The following OCA2 variants were observed in gnomAD, a reference collection of about 807,000 sequenced individuals.
OCA2 encodes the protein OCA2 melanosomal transmembrane protein, also known as P protein.
In OCA2, 77 loss-of-function variants were observed where a neutral mutation model predicts 100.2. The observed-to-expected ratio is 0.77, with a 90% CI of 0.64 to 0.93. OCA2 has a LOEUF of 0.93. Among genes scored for constraint, OCA2 ranks in the 40% least tolerant of loss-of-function variants. The pLI, the probability that OCA2 is intolerant of heterozygous loss-of-function variation, is 0.00. For missense variants in OCA2, 1,062 were observed against 1,089.1 expected (o/e 0.98, Z 0.35); for synonymous variants, 432 against 439.2 (o/e 0.98, Z 0.21).
chr15:27,848,725 C>T (rs1359144350), intron 22 of OCA2, among the ~76,000 whole-genome samples: 1 of 152,276 alleles, frequency 6.6e-6, no homozygotes, highest in South Asian at 2.1e-4. Context: ...CAATAGGCCA[C>T]ACTCTCAGAA....
chr15:27,815,733 C>A (rs753222954), intron 23 of OCA2, among the ~76,000 whole-genome samples: 1 of 152,152 alleles, frequency 6.6e-6, no homozygotes, highest in African/African-American at 2.4e-5. Flanking sequence ...AATGCTGACA[C>A]GCACTGCCTT....
chr15:27,807,376 C>T (rs964237058), intron 23 of OCA2, among the ~76,000 whole-genome samples: 3 of 152,200 alleles, frequency 2.0e-5, no homozygotes, highest in African/African-American at 7.2e-5. Context: ...TGCTGTGGTG[C>T]TGTGACCAGT....
At chr15:28,025,591 T>TTGCC (rs1884760299) in intron 4 of OCA2, among the ~76,000 whole-genome samples, 1 of 152,216 alleles carries the variant, frequency 6.6e-6, no homozygotes, top group African/African-American at 2.4e-5. Context: ...CACAGGGCCT[T>TTGCC]TGCCTGCCGG....
chr15:27,909,495 C>T (rs1403409361), intron 19 of OCA2, among the ~76,000 whole-genome samples: 1 of 152,056 alleles, frequency 6.6e-6, no homozygotes, highest in Non-Finnish European at 1.5e-5. Flanking sequence ...CTAGCCCTAC[C>T]AGACATTAAA....
At chr15:27,869,822 G>A (rs2036471781) in intron 21 of OCA2, among the ~76,000 whole-genome samples, 5 of 152,346 alleles carry the variant, frequency 3.3e-5, no homozygotes, top group Admixed American at 3.3e-4. Flanking sequence ...CTGAGGATTG[G>A]GTAAGGGCAG....
chr15:27,863,501 G>T (rs1251235334), intron 21 of OCA2, among the ~76,000 whole-genome samples: 1 of 152,200 alleles, frequency 6.6e-6, no homozygotes, highest in African/African-American at 2.4e-5. Context: ...TGCAGGCTCT[G>T]ACTCAAGGGT....
At chr15:27,735,651 T>C in the OCA2 span, among the ~76,000 whole-genome samples, 2 of 152,044 alleles carry the variant, frequency 1.3e-5, no homozygotes, top group Non-Finnish European at 2.9e-5. Flanking sequence ...AGTTACAATA[T>C]GGCTAGCAGC....
chr15:27,859,266 CAA>C (rs1437491895), intron 21 of OCA2, among the ~76,000 whole-genome samples: 3 of 151,866 alleles, frequency 2.0e-5, no homozygotes, highest in African/African-American at 7.3e-5. Context: ...ACGATATTGT[CAA>C]AGTTTTATCT....
intron 21 of OCA2, among the ~76,000 whole-genome samples, chr15:27,864,722 T>A (rs1164145721): frequency 2.0e-5 from 3 of 152,198 alleles, no homozygotes; most frequent in Admixed American, 1.3e-4. Flanking sequence ...GAATTCAACA[T>A]TCAGGACAAG....
intron 19 of OCA2, among the ~76,000 whole-genome samples, chr15:27,899,545 A>T (rs1159759464): frequency 7.2e-5 from 11 of 152,356 alleles, no homozygotes; most frequent in Non-Finnish European, 4.4e-5. Flanking sequence ...AGCTTCAACC[A>T]GCCCCATCAT....
intron 23 of OCA2, among the ~76,000 whole-genome samples, chr15:27,797,001 C>T (rs528446354): frequency 7.9e-5 from 12 of 152,268 alleles, no homozygotes; most frequent in Admixed American, 6.5e-4. Flanking sequence ...ACCCACTTCA[C>T]ACGCAGGTAC....
At chr15:27,725,582 CAA>C in the OCA2 span, among the ~76,000 whole-genome samples, 1 of 152,050 alleles carries the variant, frequency 6.6e-6, no homozygotes, top group Non-Finnish European at 1.5e-5. Context: ...CAAAAACAAA[CAA>C]AACAAACAAA....
chr15:27,936,258 G>T (rs1351774480), intron 18 of OCA2, among the ~76,000 whole-genome samples: 2 of 146,822 alleles, frequency 1.4e-5, no homozygotes, highest in African/African-American at 4.9e-5. Flanking sequence ...CCACAGTTGG[G>T]TGGGTGAGTA....
At chr15:27,929,917 G>A (rs2039185731) in intron 18 of OCA2, among the ~76,000 whole-genome samples, 1 of 151,726 alleles carries the variant, frequency 6.6e-6, no homozygotes, top group African/African-American at 2.4e-5. Flanking sequence ...TTAGGGAAAC[G>A]TGGAGTAAAA....
At chr15:28,010,122 C>CA (rs1216258575) in intron 9 of OCA2, among the ~76,000 whole-genome samples, 2 of 151,334 alleles carry the variant, frequency 1.3e-5, no homozygotes, top group East Asian at 2.0e-4. Flanking sequence ...TCAGTTGACA[C>CA]AAAAAAGATG....
chr15:27,900,696 A>C (rs139156261), intron 19 of OCA2, among the ~76,000 whole-genome samples: 1 of 152,322 alleles, frequency 6.6e-6, no homozygotes, highest in African/African-American at 2.4e-5. Context: ...CTACTGTCCA[A>C]GATAACTGCT....
Position 27,983,377 on chromosome 15 carries a change from T to C in OCA2, c.1471A>G (p.Ile491Val). The part of the protein sequence containing the change: ...ATAIGDPPNV[I>V]IVSNQELRKM... Reference sequence around the variant, plus strand: ...CTCAGCTCTTGGTTGGAAACAATAATGACATTTGGAGGGTCCCCGATGGCA... The same window carrying C: ...CTCAGCTCTTGGTTGGAAACAATAACGACATTTGGAGGGTCCCCGATGGCA... Residue 491 changes from isoleucine to valine, a missense_variant, in exon 14 of 24, where the codon ATT becomes GTT. Physicochemically the swap from Ile to Val is conservative, Grantham distance 29. Coordinates refer to ENST00000354638, the MANE Select transcript of OCA2 (RefSeq NM_000275.3). 6.2e-7 allele frequency: 1 copy of C among 1,614,180 alleles called. No homozygotes were observed. The highest frequency in any genetic ancestry group is 8.5e-7 in the Non-Finnish European group (1 of 1,180,036).
At chr15:28,008,359 A>G (rs2042146273) in intron 9 of OCA2, among the ~76,000 whole-genome samples, 1 of 152,260 alleles carries the variant, frequency 6.6e-6, no homozygotes, top group South Asian at 2.1e-4. Context: ...TTGTCCTGGC[A>G]TGCTTATACT....
intron 23 of OCA2, among the ~76,000 whole-genome samples, chr15:27,794,027 C>T (rs1314002239): frequency 1.3e-5 from 2 of 152,192 alleles, no homozygotes; most frequent in Admixed American, 6.5e-5. Context: ...AGGCTTCCTA[C>T]AGAAAATTCT....
Sources: gnomAD v4.1 joint callset for allele counts (sites outside exome capture counted in the v4.1 genomes callset) on GRCh38, gnomAD v4.1.1 for gene constraint, MANE v1.5 for transcripts, NCBI Gene and HGNC (gene_info 2026-07-23, HGNC 2026-07-21) for gene names.